The following MPDZ variants were observed in gnomAD, a reference collection of about 807,000 sequenced individuals.
MPDZ encodes the protein multiple PDZ domain protein.
MPDZ carries 234 observed loss-of-function variants against 239.1 expected under a neutral mutation model. That is an observed-to-expected ratio of 0.98 (90% CI 0.88 to 1.09). The LOEUF is 1.09. Ranked by LOEUF, MPDZ falls within the 50% of genes least tolerant of loss-of-function variation. MPDZ has a pLI of 0.00. For missense variants in MPDZ, 3,175 were observed against 2,510.0 expected, an observed-to-expected ratio of 1.26 and a Z score of -5.66; for synonymous variants, 1,048 against 881.3, an observed-to-expected ratio of 1.19 and a Z score of -3.35.
chr9:13,221,301 A>C (rs1959067619), intron 7 of MPDZ, 71 bp downstream of exon 7: 5 of 1,428,566 alleles, frequency 3.5e-6, no homozygotes, highest in Non-Finnish European at 2.8e-6. Context: ...CTTCTTTCCA[A>C]CAAAAAAATG....
chr9:13,270,920 G>A (rs888294480), intron 1 of MPDZ, among the ~76,000 whole-genome samples: 7 of 152,118 alleles, frequency 4.6e-5, no homozygotes, highest in Non-Finnish European at 1.5e-5. Flanking sequence ...TCACAGGAGT[G>A]ACAGATCTAT....
intron 20 of MPDZ, 125 bp from the exon 21 acceptor site, chr9:13,176,000 A>G: frequency 1.4e-6 from 2 of 1,411,558 alleles, no homozygotes; most frequent in Non-Finnish European, 1.9e-6. Context: ...TGCAACCAAA[A>G]CAAGTTCATA....
At chr9:13,181,417 A>G (rs1029273533) in intron 19 of MPDZ, among the ~76,000 whole-genome samples, 1 of 152,140 alleles carries the variant, frequency 6.6e-6, no homozygotes, top group Non-Finnish European at 1.5e-5. Context: ...AATTTTAGCA[A>G]AAGTCTAGGT....
Position 13,170,812 on chromosome 9 carries a change from C to G in MPDZ, c.3056-2248G>C, listed in dbSNP as rs568147561. ...GTCAGGTCACATCAACCATGTAAAC[C>G]AAGAGGTCAACATCAGTTAGCTGAG... is the stretch of plus-strand genomic sequence containing the variant. On this transcript the variant is annotated intron_variant, in intron 21 of 46. Transcript: ENST00000319217. Among the ~76,000 whole-genome samples, 7 of 152,254 alleles carry G rather than the reference C, an allele frequency of 4.6e-5. No individual in the cohort carries two copies. The South Asian group carries it at 1.5e-3, about 32-fold the overall frequency.
intron 1 of MPDZ, among the ~76,000 whole-genome samples, chr9:13,272,748 C>CCAG (rs1454394745): frequency 6.6e-6 from 1 of 150,826 alleles, no homozygotes; most frequent in Non-Finnish European, 1.5e-5. Context: ...TGAATGCTGT[C>CCAG]CAGAAGTGGA....
At chr9:13,257,893 C>CA (rs1456666879) in intron 1 of MPDZ, among the ~76,000 whole-genome samples, 2 of 152,144 alleles carry the variant, frequency 1.3e-5, no homozygotes, top group Admixed American at 6.6e-5. Flanking sequence ...TTAACTTGGA[C>CA]ATCTGTTATT....
intron 26 of MPDZ, among the ~76,000 whole-genome samples, chr9:13,146,572 G>C (rs986748447): frequency 2.0e-5 from 3 of 151,982 alleles, no homozygotes; most frequent in Non-Finnish European, 2.9e-5. Context: ...CTAGTAAGCA[G>C]GAAATTCAAA....
At chr9:13,107,173 G>A in intron 46 of MPDZ, 62 bp from the exon 47 acceptor site, 1 of 1,485,128 alleles carries the variant, frequency 6.7e-7, no homozygotes, top group Admixed American at 1.9e-5. Flanking sequence ...ACTCACAACA[G>A]AAAAAGATCT....
intron 15 of MPDZ, among the ~76,000 whole-genome samples, chr9:13,191,868 C>A (rs779649451): frequency 6.6e-6 from 1 of 152,014 alleles, no homozygotes; most frequent in African/African-American, 2.4e-5. Flanking sequence ...ACCTTCAGGG[C>A]AACTTTTTGA....
At chr9:13,153,305 A>T (rs936703570) in intron 24 of MPDZ, among the ~76,000 whole-genome samples, 23 of 152,160 alleles carry the variant, frequency 1.5e-4, no homozygotes, top group African/African-American at 5.5e-4. Context: ...TGTTTAGTTT[A>T]AAACGACCTT....
intron 21 of MPDZ, among the ~76,000 whole-genome samples, chr9:13,169,052 A>T (rs1951454647): frequency 6.6e-6 from 1 of 152,172 alleles, no homozygotes; most frequent in South Asian, 2.1e-4. Flanking sequence ...GCCAAGTACT[A>T]TGTTGGTTGC....
chr9:13,137,569 C>A (rs1033073399), intron 29 of MPDZ, among the ~76,000 whole-genome samples: 7 of 152,176 alleles, frequency 4.6e-5, no homozygotes, highest in African/African-American at 1.7e-4. Flanking sequence ...ACCTCACCCT[C>A]ATCACTTCTC....
chr9:13,126,534 A>G lies in MPDZ; in HGVS notation c.4614T>C (p.Val1538=). 6.4e-7 allele frequency: 1 copy of G among 1,570,206 alleles called. No individual in the cohort carries two copies. The highest frequency in any genetic ancestry group is 8.6e-7 in the Non-Finnish European group (1 of 1,156,288). ...QILAVDDEIV[V]GYPIEKFISL... ...AAATTACCTTTTCAATAGGGTAACC[A>G]ACAACAATTTCATCATCTACAGCCA... The change falls in exon 34 of 47, where the codon GTT becomes GTC. Residue 1538 remains valine (V), a synonymous_variant. Coordinates refer to ENST00000319217, the MANE Select transcript of MPDZ (RefSeq NM_001378778.1).
intron 24 of MPDZ, among the ~76,000 whole-genome samples, chr9:13,155,199 A>G (rs1414422960): frequency 6.6e-6 from 1 of 152,136 alleles, no homozygotes; most frequent in Non-Finnish European, 1.5e-5. Flanking sequence ...GCCTGGCAAC[A>G]GAGTGAGACT....
intron 30 of MPDZ, 83 bp downstream of exon 30, chr9:13,136,629 A>G (rs555632698): frequency 3.1e-6 from 3 of 963,684 alleles, no homozygotes; most frequent in African/African-American, 1.7e-5. Context: ...CCCGGCTACA[A>G]ATGTTTTCTT....
Position 13,224,411 on chromosome 9 carries a change from C to G in MPDZ, c.356G>C (p.Cys119Ser), listed in dbSNP as rs201953011. The part of the protein sequence containing the change: ...GIPHINGKPA[C>S]DEFDQLIKNM... ...TTTGATAAGCTGATCAAATTCATCA[C>G]AAGCAGGTTTCCCATTAATGTGTGG... Residue 119 changes from cysteine (C) to serine (S), a missense_variant, in exon 4 of 47, where the codon TGT becomes TCT. Coordinates refer to ENST00000319217, the MANE Select transcript of MPDZ (RefSeq NM_001378778.1). 6.4e-4 allele frequency: 1,032 copies of G among 1,612,572 alleles called. 2 individuals carry two copies. Among genetic ancestry groups the G allele is most frequent in the Non-Finnish European group, 8.3e-4 (978 of 1,179,224 alleles).
In MPDZ at chr9:13,247,800, G is replaced by T. The variant is rs199713680; in HGVS notation, c.18C>A (p.Asp6Glu). Reference sequence around the variant, plus strand: ...CTGCTGCATGCAGGGCCCGATTTTTGTCTATACCAAAGAGCAGCATTTGTC... The same window carrying T: ...CTGCTGCATGCAGGGCCCGATTTTTTTCTATACCAAAGAGCAGCATTTGTC... MLEAIDKNRALHAAER... is the reference protein window; with the variant it reads MLEAIEKNRALHAAER... The change falls in exon 3 of 47, where the codon GAC becomes GAA. Residue 6 changes from aspartate to glutamate, a missense_variant and splice_region_variant. Coordinates refer to ENST00000319217, the MANE Select transcript of MPDZ (RefSeq NM_001378778.1). 7.5e-6 allele frequency: 12 copies of T among 1,599,772 alleles called. No individual in the cohort carries two copies. The highest frequency in any genetic ancestry group is 1.0e-5 in the Non-Finnish European group (12 of 1,168,826).
At chr9:13,258,406 CT>C (rs1159322259) in intron 1 of MPDZ, among the ~76,000 whole-genome samples, 1 of 152,198 alleles carries the variant, frequency 6.6e-6, no homozygotes. Context: ...GTTTCAATGG[CT>C]TGCAGCTTGT....
intron 8 of MPDZ, among the ~76,000 whole-genome samples, 189 bp from the exon 9 acceptor site, chr9:13,217,483 C>T (rs1958500340): frequency 6.6e-6 from 1 of 151,828 alleles, no homozygotes; most frequent in African/African-American, 2.4e-5. Flanking sequence ...CATATTTTTG[C>T]TCAGAAAGGG....
Sources: allele counts gnomAD v4.1 joint callset (sites outside exome capture counted in the v4.1 genomes callset), GRCh38; gene constraint gnomAD v4.1.1; transcripts MANE v1.5; gene names NCBI Gene and HGNC (gene_info 2026-07-23, HGNC 2026-07-21).